RAB4A: variants seen among roughly 807,000 people sequenced by gnomAD.
RAB4A encodes the protein RAB4A, member RAS oncogene family, also known as ras-related protein Rab-4A.
In RAB4A, 20 loss-of-function variants were observed where a neutral mutation model predicts 34.5. That is an observed-to-expected ratio of 0.58 (90% confidence interval 0.41 to 0.84). The LOEUF is 0.84. RAB4A is among the 40% of genes least tolerant of loss of function. The pLI is 0.00. For missense variants in RAB4A, 228 were observed against 274.5 expected (o/e 0.83, Z 1.20); for synonymous variants, 102 against 100.0 (o/e 1.02, Z -0.12).
intron 1 of RAB4A, among the ~76,000 whole-genome samples, chr1:229,283,991 C>A (rs1656850392): frequency 6.6e-6 from 1 of 151,730 alleles, no homozygotes; most frequent in African/African-American, 2.4e-5. Flanking sequence ...CCTACCTTGG[C>A]CTCCCAAAGT....
rs1656464701 is a variant in RAB4A at position 229,271,355 on chromosome 1, A to G, written c.16A>G (p.Met6Val). ...CGCTCCCAAGATGTCGCAGACGGCC[A>G]TGTCCGAAACCTACGGTACGAGGCC... MSQTA[M>V]SETYDFLFKF... is the part of the protein sequence containing the mutation. Residue 6 changes from methionine to valine, a missense_variant, in exon 1 of 8, where the codon ATG becomes GTG. Physicochemically the swap from Met to Val is conservative, Grantham distance 21. Transcript: ENST00000366690. 1.2e-5 allele frequency: 15 copies of G among 1,288,290 alleles called. No homozygotes were observed. Among genetic ancestry groups the G allele is most frequent in the East Asian group, 3.2e-5 (1 of 31,024 alleles). The allele number at this position is 1,288,290 out of a possible 1,614,324, so 79.8% of individuals were successfully genotyped here. A position where few individuals can be genotyped will look rare whatever the true frequency, so the allele number is the denominator to read the frequency against.
At chr1:229,288,039 A>T (rs1226116454) in intron 2 of RAB4A, among the ~76,000 whole-genome samples, 1 of 152,140 alleles carries the variant, frequency 6.6e-6, no homozygotes, top group Non-Finnish European at 1.5e-5. Flanking sequence ...TCTCCAACAA[A>T]TTCATCCCAA....
intron 6 of RAB4A, among the ~76,000 whole-genome samples, chr1:229,302,299 A>ATTTT (rs1179878416): frequency 5.3e-5 from 2 of 37,612 alleles, no homozygotes; most frequent in Non-Finnish European, 9.6e-5. Flanking sequence ...ATATATATAT[A>ATTTT]TATATATATA....
At chr1:229,279,188 C>A (rs1192703403) in intron 1 of RAB4A, among the ~76,000 whole-genome samples, 1 of 152,210 alleles carries the variant, frequency 6.6e-6, no homozygotes, top group African/African-American at 2.4e-5. Context: ...AAGTAGGACA[C>A]ATGAAATGCA....
chr1:229,274,330 G>C (rs752206882), intron 1 of RAB4A, among the ~76,000 whole-genome samples: 5 of 151,566 alleles, frequency 3.3e-5, no homozygotes, highest in African/African-American at 4.9e-5. Flanking sequence ...CTCCCAAAAT[G>C]TTGAGATCAC....
intron 5 of RAB4A, among the ~76,000 whole-genome samples, chr1:229,297,903 G>C (rs1468366175): frequency 6.6e-6 from 1 of 152,158 alleles, no homozygotes; most frequent in Non-Finnish European, 1.5e-5. Flanking sequence ...GAATATTAGA[G>C]ATCTTGGGCT....
Position 229,271,271 on chromosome 1 carries a change from C to T in RAB4A, c.-69C>T. ...GTCCCCCGCCCCAGGTCCTTCCCCACCGAGACGCGCCGGCGGACCGCGGGC... is the reference window on the plus strand; with the variant it reads ...GTCCCCCGCCCCAGGTCCTTCCCCATCGAGACGCGCCGGCGGACCGCGGGC... On this transcript the variant is annotated 5_prime_UTR_variant, in exon 1 of 8. Transcript: ENST00000366690. The T allele has an allele frequency of 9.1e-6, 12 of 1,318,612 alleles. No individual in the cohort carries two copies. The highest frequency in any genetic ancestry group is 1.2e-5 in the Non-Finnish European group (12 of 1,032,642). 81.7% of individuals were successfully genotyped at this position (1,318,612 alleles called of 1,614,324 possible).
chr1:229,281,805 A>ATAAG (rs1656783820), intron 1 of RAB4A, among the ~76,000 whole-genome samples: 1 of 108,970 alleles, frequency 9.2e-6, no homozygotes, highest in Non-Finnish European at 1.8e-5. Flanking sequence ...TATATACATA[A>ATAAG]CTTATCATAG....
intron 1 of RAB4A, among the ~76,000 whole-genome samples, chr1:229,274,049 C>CCT (rs367561201): frequency 1.2e-5 from 1 of 86,846 alleles, no homozygotes; most frequent in Non-Finnish European, 2.1e-5. Flanking sequence ...TTTTGTTTCC[C>CCT]TTTTTTTTTT....
chr1:229,302,303 A>ATTTTTTTTTT (rs1657427596), intron 6 of RAB4A, among the ~76,000 whole-genome samples: 1 of 39,702 alleles, frequency 2.5e-5, no homozygotes. Flanking sequence ...ATATATATAT[A>ATTTTTTTTTT]TATATATTTT....
In RAB4A at chr1:229,302,874, C is replaced by T. The variant is rs184851755; in HGVS notation, c.554C>T (p.Pro185Leu). 282 of 1,612,888 alleles carry T rather than the reference C, an allele frequency of 1.7e-4. No homozygotes were observed. The highest frequency in any genetic ancestry group is 6.2e-4 in the Admixed American group (37 of 59,926). ...LNKIESGELDPERMGSGIQYG... is the reference protein window; with the variant it reads ...LNKIESGELDLERMGSGIQYG... ...GCTTGGTCCTTAGGTGAGCTGGACCCAGAAAGAATGGGCTCAGGTATTCAG... is the reference window on the plus strand; with the variant it reads ...GCTTGGTCCTTAGGTGAGCTGGACCTAGAAAGAATGGGCTCAGGTATTCAG... The change falls in exon 7 of 8, where the codon CCA becomes CTA. Residue 185 changes from proline to leucine, a missense_variant. Transcript: ENST00000366690.
intron 1 of RAB4A, among the ~76,000 whole-genome samples, chr1:229,277,019 TTATATA>T (rs1352507630): frequency 6.8e-6 from 1 of 146,610 alleles, no homozygotes; most frequent in Admixed American, 6.8e-5. Context: ...TATATATAGT[TTATATA>T]TAAATTATTT....
At position 229,305,061 on chromosome 1, in the gene RAB4A, A is replaced by G; in HGVS notation, c.*1268A>G. 3 of 1,422,912 alleles carry G rather than the reference A, an allele frequency of 2.1e-6. No homozygotes were observed. The highest frequency in any genetic ancestry group is 2.8e-6 in the Non-Finnish European group (3 of 1,083,542). 88.1% of individuals were successfully genotyped at this position (1,422,912 alleles called of 1,614,324 possible). A position where few individuals can be genotyped will look rare whatever the true frequency, so the allele number is the denominator to read the frequency against. On this transcript the variant is annotated 3_prime_UTR_variant, in exon 8 of 8. Transcript: ENST00000366690. ...GTTGAAGACTAGTAAATTAACTTTT[A>G]GTTAGAAGATGCCTACTGCTTTTGT...
At chr1:229,294,401 CGAGT>C (rs1657180578) in intron 3 of RAB4A, among the ~76,000 whole-genome samples, 1 of 152,208 alleles carries the variant, frequency 6.6e-6, no homozygotes, top group Non-Finnish European at 1.5e-5. Flanking sequence ...AGAGGCTGCG[CGAGT>C]GAGTGAGGAC....
intron 7 of RAB4A, among the ~76,000 whole-genome samples, chr1:229,303,361 A>C (rs1375333073): frequency 2.0e-5 from 3 of 150,476 alleles, no homozygotes; most frequent in African/African-American, 7.3e-5. Flanking sequence ...CTGTCTCAGA[A>C]AAAAAAAAAA....
At chr1:229,293,202 C>T (rs1248955775) in intron 3 of RAB4A, among the ~76,000 whole-genome samples, 2 of 152,242 alleles carry the variant, frequency 1.3e-5, no homozygotes, top group African/African-American at 4.8e-5. Context: ...ACCTCCATGC[C>T]ACCACCAGCC....
chr1:229,280,637 A>C (rs746371683), intron 1 of RAB4A, among the ~76,000 whole-genome samples: 1 of 152,114 alleles, frequency 6.6e-6, no homozygotes, highest in Non-Finnish European at 1.5e-5. Context: ...GTTCTCATGC[A>C]CCTTTTTCCT....
chr1:229,279,949 A>C (rs1419889304), intron 1 of RAB4A, among the ~76,000 whole-genome samples: 1 of 152,206 alleles, frequency 6.6e-6, no homozygotes, highest in Admixed American at 6.5e-5. Context: ...ACCAGTTGAC[A>C]CTTAGTTATA....
chr1:229,300,691 G>A (rs1361213157), intron 6 of RAB4A, among the ~76,000 whole-genome samples: 9 of 152,140 alleles, frequency 5.9e-5, no homozygotes, highest in Non-Finnish European at 1.0e-4. Context: ...CGGCCTTTGC[G>A]GTAACGCTGA....
Sources: allele counts gnomAD v4.1 joint callset (sites outside exome capture counted in the v4.1 genomes callset), GRCh38; gene constraint gnomAD v4.1.1; transcripts MANE v1.5; gene names NCBI Gene and HGNC (gene_info 2026-07-23, HGNC 2026-07-21).